Variants in PLEKHA1 observed in about 807,000 individuals in gnomAD.
The protein encoded by PLEKHA1 is pleckstrin homology domain-containing family A member 1.
In PLEKHA1, 34 loss-of-function variants were observed where a neutral mutation model predicts 52.0. The observed-to-expected ratio is 0.65, with a 90% CI of 0.50 to 0.87. The LOEUF (loss-of-function observed/expected upper bound fraction) is 0.87. Ranked by LOEUF, PLEKHA1 falls within the 40% of genes least tolerant of loss-of-function variation. The pLI, the probability that PLEKHA1 is intolerant of heterozygous loss-of-function variation, is 0.00. For synonymous variants in PLEKHA1, 163 were observed against 170.7 expected, an observed-to-expected ratio of 0.95 and a Z score of 0.35; for missense variants, 497 against 504.2, an observed-to-expected ratio of 0.99 and a Z score of 0.14.
intron 3 of PLEKHA1, among the ~76,000 whole-genome samples, chr10:122,398,719 T>C (rs190292533): frequency 6.6e-6 from 1 of 152,024 alleles, no homozygotes; most frequent in South Asian, 2.1e-4. Flanking sequence ...GGTACTGTTA[T>C]GCATATACTG....
chr10:122,410,433 T>G (rs1191877310), intron 5 of PLEKHA1, among the ~76,000 whole-genome samples: 1 of 152,176 alleles, frequency 6.6e-6, no homozygotes, highest in South Asian at 2.1e-4. Context: ...CTGATTTTCA[T>G]TGGACAGTTG....
rs200236415 is a variant in PLEKHA1 at position 122,391,823 on chromosome 10, AACAC to A, written c.-20-1354_-20-1351del. ...GATTTATAAGAACAATAACAGCAAC[AACAC>A]ACAAACTTATTGGATGGTTTTATTT... On this transcript the variant is annotated intron_variant, in intron 1 of 11. Coordinates refer to ENST00000368990, the MANE Select transcript of PLEKHA1 (RefSeq NM_001001974.4). Among the ~76,000 whole-genome samples the A allele has an allele frequency of 6.2e-3, 938 of 152,272 alleles. 8 individuals are homozygous for A. Among genetic ancestry groups the A allele is most frequent in the African/African-American group, 0.021 (882 of 41,554 alleles).
intron 1 of PLEKHA1, among the ~76,000 whole-genome samples, chr10:122,388,677 T>C (rs1235563383): frequency 6.6e-6 from 1 of 152,232 alleles, no homozygotes; most frequent in African/African-American, 2.4e-5. Context: ...TACTATAATT[T>C]AAAAATATTT....
chr10:122,424,171 G>GTTTT lies in PLEKHA1; in HGVS notation c.682-9_682-6dup, dbSNP rs34058512. On this transcript the variant is annotated intron_variant, in intron 8 of 11. Transcript: ENST00000368990. ...TTTTAAGAATAAACATCATGTAACT[G>GTTTT]TTTTTTTTTTTTTTTTTTTTTTGCC... 5.2e-3 allele frequency: 4,909 copies of GTTTT among 945,232 alleles called. 18 individuals carry two copies. The highest frequency in any genetic ancestry group is 0.011 in the South Asian group (505 of 47,742). The allele number at this position is 945,232 out of a possible 1,614,324, so 58.6% of individuals were successfully genotyped here. A position where few individuals can be genotyped will look rare whatever the true frequency, so the allele number is the denominator to read the frequency against.
intron 10 of PLEKHA1, among the ~76,000 whole-genome samples, chr10:122,426,729 C>G (rs1341874789): frequency 1.3e-5 from 2 of 152,112 alleles, no homozygotes; most frequent in Non-Finnish European, 2.9e-5. Flanking sequence ...TGGGTCTGAT[C>G]TTGACATTGA....
chr10:122,429,523 TGTGTGTGTTTTA>T lies in PLEKHA1; in HGVS notation c.901-100_901-89del. ...GTGTGTGTGTGTGTGTGTGTGTGTG[TGTGTGTGTTTTA>T]TTTGTTTTTCAGAGAATCAAGTCTC... On this transcript the variant is annotated intron_variant, in intron 11 of 11. Coordinates refer to ENST00000368990, the MANE Select transcript of PLEKHA1 (RefSeq NM_001001974.4). 5 of 903,068 alleles carry T rather than the reference TGTGTGTGTTTTA, an allele frequency of 5.5e-6. No individual in the cohort carries two copies. The South Asian group carries it at 8.2e-5, about 15-fold the overall frequency. 55.9% of individuals were successfully genotyped at this position (903,068 alleles called of 1,614,324 possible).
rs1254378338 is a variant in PLEKHA1 at position 122,431,547 on chromosome 10, A to G, written c.*1609A>G. The G allele has an allele frequency of 1.3e-5, 2 of 152,640 alleles. No individual in the cohort carries two copies. The highest frequency in any genetic ancestry group is 3.9e-4 in the East Asian group (2 of 5,188). The allele number at this position is 152,640 out of a possible 1,614,324, so 9.5% of individuals were successfully genotyped here. A position where few individuals can be genotyped will look rare whatever the true frequency, so the allele number is the denominator to read the frequency against. On this transcript the variant is annotated 3_prime_UTR_variant, in exon 12 of 12. Transcript: ENST00000368990. ...GTTTTGTTTTGAATTCATGCATATC[A>G]TTGAAAATTTCTCGTTTTCATTTTC...
intron 8 of PLEKHA1, chr10:122,420,264 A>G (rs549445626): frequency 3.2e-4 from 49 of 152,356 alleles, no homozygotes; most frequent in African/African-American, 1.2e-3. Context: ...TATCTTGTCT[A>G]TATTTTTCTT....
downstream of PLEKHA1, chr10:122,435,575 A>AT (rs1591005946): frequency 6.6e-6 from 1 of 152,226 alleles, no homozygotes; most frequent in Non-Finnish European, 1.5e-5. Context: ...CAAATTATAA[A>AT]TTTTTTATTT....
Position 122,406,579 on chromosome 10 carries a change from T to C in PLEKHA1, c.248T>C (p.Met83Thr), listed in dbSNP as rs1409036007. Residue 83 changes from methionine to threonine, a missense_variant, in exon 5 of 12, where the codon ATG (methionine) becomes ACG (threonine). Physicochemically the swap from Met to Thr is moderately conservative, Grantham distance 81. Coordinates refer to ENST00000368990, the MANE Select transcript of PLEKHA1 (RefSeq NM_001001974.4). ...LRPKAEFCFV[M>T]NAGMRKYFLQ... ...TGTTATTTTTTTCTGTCAACAGTTA[T>C]GAATGCAGGAATGAGGAAGTACTTC... The C allele has an allele frequency of 1.9e-6, 3 of 1,609,192 alleles. No individual in the cohort carries two copies. Among genetic ancestry groups the C allele is most frequent in the Non-Finnish European group, 2.6e-6 (3 of 1,175,754 alleles).
At chr10:122,409,545 A>T (rs1018410153) in intron 5 of PLEKHA1, among the ~76,000 whole-genome samples, 4 of 152,256 alleles carry the variant, frequency 2.6e-5, no homozygotes, top group Admixed American at 1.3e-4. Context: ...CTGAACAGAG[A>T]TCCATTATTT....
chr10:122,381,795 C>T (rs1268847830), intron 1 of PLEKHA1, among the ~76,000 whole-genome samples: 1 of 152,162 alleles, frequency 6.6e-6, no homozygotes, highest in African/African-American at 2.4e-5. Context: ...CTAGGGAAGG[C>T]TGGATCAGGA....
chr10:122,375,171 C>T (rs570496891), intron 1 of PLEKHA1, among the ~76,000 whole-genome samples: 2 of 151,960 alleles, frequency 1.3e-5, no homozygotes, highest in Non-Finnish European at 2.9e-5. Flanking sequence ...GCGGGGCCGA[C>T]GAGCTCCTCG....
intron 11 of PLEKHA1, among the ~76,000 whole-genome samples, chr10:122,428,961 T>A (rs1164210110): frequency 6.6e-6 from 1 of 152,224 alleles, no homozygotes; most frequent in Admixed American, 6.5e-5. Flanking sequence ...CACCACAGTT[T>A]AAAATGTGAT....
At chr10:122,413,998 T>C (rs937930401) in intron 6 of PLEKHA1, among the ~76,000 whole-genome samples, 1 of 152,094 alleles carries the variant, frequency 6.6e-6, no homozygotes. Flanking sequence ...AATTAACTAT[T>C]GAGTGCTTTC....
At chr10:122,417,666 C>T (rs1265182439) in intron 7 of PLEKHA1, among the ~76,000 whole-genome samples, 3 of 141,818 alleles carry the variant, frequency 2.1e-5, no homozygotes, top group Admixed American at 1.4e-4. Flanking sequence ...AAAAAAAACA[C>T]ATAAAATCAT....
intron 3 of PLEKHA1, among the ~76,000 whole-genome samples, chr10:122,398,550 T>C (rs1017828061): frequency 9.2e-5 from 14 of 152,134 alleles, no homozygotes; most frequent in Admixed American, 5.2e-4. Context: ...CTTCTATTAA[T>C]GTTTAGGGAA....
At chr10:122,415,152 A>G (rs998582604) in intron 6 of PLEKHA1, among the ~76,000 whole-genome samples, 9 of 152,210 alleles carry the variant, frequency 5.9e-5, no homozygotes, top group African/African-American at 2.2e-4. Context: ...GATACAAGGA[A>G]CAGTCTGGAC....
At chr10:122,428,234 A>G (rs749018267) in intron 11 of PLEKHA1, 4 of 1,480,554 alleles carry the variant, frequency 2.7e-6, no homozygotes, top group South Asian at 1.4e-5. Context: ...CCCTCTACCC[A>G]GTATAGGTTA....
Sources: allele counts gnomAD v4.1 joint callset (sites outside exome capture counted in the v4.1 genomes callset), GRCh38; gene constraint gnomAD v4.1.1; transcripts MANE v1.5; gene names NCBI Gene and HGNC (gene_info 2026-07-23, HGNC 2026-07-21).